The following TMEM131 variants were observed in gnomAD, a reference collection of about 807,000 sequenced individuals.
TMEM131 encodes the protein transmembrane protein 131, also known as 2610524E03Rik.
TMEM131 carries 66 observed loss-of-function variants against 211.6 expected under a neutral mutation model. The ratio of observed to expected loss-of-function variants is 0.31; its 90% confidence interval spans 0.26 to 0.38. TMEM131 has a LOEUF of 0.38. Among genes scored for constraint, TMEM131 ranks in the 10% least tolerant of loss-of-function variants. The pLI, the probability that TMEM131 is intolerant of heterozygous loss-of-function variation, is 1.00. For missense variants in TMEM131, 2,036 were observed against 2,299.3 expected (o/e 0.89, Z 2.34); for synonymous variants, 844 against 841.3 (o/e 1.00, Z -0.06).
At chr2:97,864,055 T>A (rs1260855455) in intron 4 of TMEM131, among the ~76,000 whole-genome samples, 1 of 152,190 alleles carries the variant, frequency 6.6e-6, no homozygotes, top group Non-Finnish European at 1.5e-5. Flanking sequence ...TGAAAAATAA[T>A]GAGATCCTGT....
chr2:97,832,571 C>T lies in TMEM131; in HGVS notation c.1074+794G>A, dbSNP rs548041054. On this transcript the variant is annotated intron_variant, in intron 11 of 40. Coordinates refer to ENST00000186436, the MANE Select transcript of TMEM131 (RefSeq NM_015348.2). Reference sequence around the variant, plus strand: ...GGTGATAAAATCTGGGTATGGCCATCGATGGACAAAGGTCCCTTAAATCTC... The same window carrying T: ...GGTGATAAAATCTGGGTATGGCCATTGATGGACAAAGGTCCCTTAAATCTC... Among the ~76,000 whole-genome samples, 476 of 152,238 alleles carry T rather than the reference C, an allele frequency of 3.1e-3. 1 individual carries two copies. Among genetic ancestry groups the T allele is most frequent in the Middle Eastern group, 0.01 (3 of 294 alleles).
At chr2:97,970,073 T>C (rs908960677) in intron 1 of TMEM131, among the ~76,000 whole-genome samples, 3 of 152,222 alleles carry the variant, frequency 2.0e-5, no homozygotes, top group African/African-American at 4.8e-5. Context: ...CGTGCTATTG[T>C]GAGCCCTAAG....
chr2:97,757,714 A>T (rs1395778765), intron 40 of TMEM131, among the ~76,000 whole-genome samples: 1 of 152,138 alleles, frequency 6.6e-6, no homozygotes, highest in African/African-American at 2.4e-5. Context: ...GTGATATTTT[A>T]AAAAAGACAG....
chr2:97,980,221 C>T (rs540962293), intron 1 of TMEM131, among the ~76,000 whole-genome samples: 79 of 152,278 alleles, frequency 5.2e-4, no homozygotes, highest in African/African-American at 1.8e-3. Context: ...TATTGTGAGA[C>T]TTACCAAAAT....
chr2:97,833,718 G>C (rs1417284510), intron 10 of TMEM131, among the ~76,000 whole-genome samples: 1 of 151,558 alleles, frequency 6.6e-6, no homozygotes, highest in Non-Finnish European at 1.5e-5. Flanking sequence ...AGTACAGTGG[G>C]GCATTCTTGG....
intron 3 of TMEM131, among the ~76,000 whole-genome samples, chr2:97,889,767 C>A (rs1675305718): frequency 6.6e-6 from 1 of 152,018 alleles, no homozygotes; most frequent in South Asian, 2.1e-4. Context: ...AAAGTATATA[C>A]CCCATCCATT....
At chr2:97,776,912 C>T (rs1194997379) in intron 31 of TMEM131, among the ~76,000 whole-genome samples, 1 of 152,178 alleles carries the variant, frequency 6.6e-6, no homozygotes, top group Non-Finnish European at 1.5e-5. Flanking sequence ...TACATAATCC[C>T]TGGGAATGGT....
rs778663547 is a variant in TMEM131 at position 97,775,986 on chromosome 2, G to T, written c.4177C>A (p.Pro1393Thr). 6.2e-7 allele frequency: 1 copy of T among 1,613,758 alleles called. No homozygotes were observed. Among genetic ancestry groups the T allele is most frequent in the Admixed American group, 1.7e-5 (1 of 60,004 alleles). ...KGKPLQRKVK[P>T]PKKQEEKEKK... Reference sequence around the variant, plus strand: ...TCCTTTTCCTCTTGCTTCTTAGGTGGTTTCACCTTGCGCTGAAGAGGTTTT... The same window carrying T: ...TCCTTTTCCTCTTGCTTCTTAGGTGTTTTCACCTTGCGCTGAAGAGGTTTT... The change falls in exon 32 of 41, where the codon CCA becomes ACA. Residue 1393 changes from proline to threonine, a missense_variant. Coordinates refer to ENST00000186436, the MANE Select transcript of TMEM131 (RefSeq NM_015348.2).
chr2:97,910,147 G>A (rs1476712250), intron 2 of TMEM131, among the ~76,000 whole-genome samples: 1 of 152,108 alleles, frequency 6.6e-6, no homozygotes, highest in African/African-American at 2.4e-5. Context: ...CTAACCATTA[G>A]GGAAATGCAA....
At chr2:97,987,260 C>G (rs549392165) in intron 1 of TMEM131, among the ~76,000 whole-genome samples, 2 of 152,306 alleles carry the variant, frequency 1.3e-5, no homozygotes, top group East Asian at 1.9e-4. Flanking sequence ...TGCCTGTAAT[C>G]CCAGCACTTT....
chr2:97,891,002 T>A (rs552135626), intron 3 of TMEM131, among the ~76,000 whole-genome samples: 1 of 152,274 alleles, frequency 6.6e-6, no homozygotes, highest in African/African-American at 2.4e-5. Flanking sequence ...CAGTTTAATA[T>A]CCGAGTGAGT....
chr2:97,768,576 A>G (rs1323165652), intron 33 of TMEM131, among the ~76,000 whole-genome samples: 1 of 152,148 alleles, frequency 6.6e-6, no homozygotes, highest in East Asian at 1.9e-4. Flanking sequence ...AAAATGGGTA[A>G]CGGCCAACTT....
intron 1 of TMEM131, among the ~76,000 whole-genome samples, chr2:97,931,898 T>G (rs1677235939): frequency 6.6e-6 from 1 of 152,216 alleles, no homozygotes; most frequent in African/African-American, 2.4e-5. Context: ...GTGGCCCTCC[T>G]TGGCTTCTCA....
At chr2:97,913,969 C>T (rs1232155083) in intron 2 of TMEM131, among the ~76,000 whole-genome samples, 1 of 152,136 alleles carries the variant, frequency 6.6e-6, no homozygotes, top group East Asian at 1.9e-4. Context: ...TTACATACTT[C>T]CTCCAGGACT....
chr2:97,822,010 A>G (rs1682146367), intron 11 of TMEM131, among the ~76,000 whole-genome samples: 1 of 152,176 alleles, frequency 6.6e-6, no homozygotes, highest in Non-Finnish European at 1.5e-5. Flanking sequence ...TATGTTGCCC[A>G]AGCGAGACTT....
intron 1 of TMEM131, among the ~76,000 whole-genome samples, chr2:97,952,292 C>T (rs538099627): frequency 1.6e-4 from 25 of 152,010 alleles, no homozygotes; most frequent in African/African-American, 4.8e-4. Flanking sequence ...AAAAATGTGA[C>T]GCTGAGGGAG....
At chr2:97,857,370 C>T (rs995517981) in intron 5 of TMEM131, among the ~76,000 whole-genome samples, 1 of 152,082 alleles carries the variant, frequency 6.6e-6, no homozygotes, top group African/African-American at 2.4e-5. Context: ...ATATTGTTTA[C>T]CTAGCCCAGT....
rs912281181 is a variant in TMEM131 at position 97,802,642 on chromosome 2, G to A, written c.2541+10C>T. The A allele has an allele frequency of 6.2e-7, 1 of 1,611,764 alleles. No homozygotes were observed. The highest frequency in any genetic ancestry group is 1.3e-5 in the African/African-American group (1 of 74,858). On this transcript the variant is annotated intron_variant, in intron 23 of 40. Transcript: ENST00000186436. ...TATTTCCAAAAACCAATGTCACTTT[G>A]AATACTTACTGAGGAGCAGTTTGTA... is the stretch of plus-strand genomic sequence containing the variant.
intron 3 of TMEM131, among the ~76,000 whole-genome samples, chr2:97,893,104 A>G (rs199768283): frequency 6.6e-6 from 1 of 152,008 alleles, no homozygotes; most frequent in Non-Finnish European, 1.5e-5. Context: ...ATGTGTTCTC[A>G]TTGTTCAACT....
Sources: gnomAD v4.1 joint callset for allele counts (sites outside exome capture counted in the v4.1 genomes callset) on GRCh38, gnomAD v4.1.1 for gene constraint, MANE v1.5 for transcripts, NCBI Gene and HGNC (gene_info 2026-07-23, HGNC 2026-07-21) for gene names.